COPS2: variants seen among roughly 807,000 people sequenced by gnomAD.
COPS2 encodes the protein COP9 signalosome subunit 2, also known as COP9 signalosome complex subunit 2.
Under a neutral mutation model 66.1 loss-of-function variants are expected in COPS2, and 10 were observed. The ratio of observed to expected loss-of-function variants is 0.15; its 90% CI spans 0.09 to 0.26. The LOEUF (loss-of-function observed/expected upper bound fraction) is 0.26. Ranked by LOEUF, COPS2 falls within the 10% of genes least tolerant of loss-of-function variation. The probability of loss-of-function intolerance (pLI) is 1.00; values close to 1 mark genes in which losing one functional copy is unlikely to be tolerated. For missense variants in COPS2, 215 were observed against 513.3 expected, an observed-to-expected ratio of 0.42 and a Z score of 5.62; for synonymous variants, 179 against 171.3, an observed-to-expected ratio of 1.04 and a Z score of -0.35.
intron 4 of COPS2, chr15:49,139,287 G>A: frequency 2.7e-6 from 1 of 368,626 alleles, no homozygotes; most frequent in Non-Finnish European, 4.9e-6. Context: ...CTGAAAAGTT[G>A]TTTACAGATT....
intron 9 of COPS2, among the ~76,000 whole-genome samples, chr15:49,133,477 A>T (rs759155825): frequency 6.6e-6 from 1 of 152,226 alleles, no homozygotes; most frequent in African/African-American, 2.4e-5. Flanking sequence ...AGACATCCAC[A>T]ATCAGTTTTC....
intron 9 of COPS2, among the ~76,000 whole-genome samples, chr15:49,132,988 A>AT (rs35969483): frequency 0.51 from 66,398 of 130,906 alleles, 17,499 homozygotes; most frequent in Middle Eastern, 0.62. Context: ...CATTGTAAAC[A>AT]TTTTTTTTTT....
At chr15:49,145,325 A>T (rs2084313840) in intron 1 of COPS2, among the ~76,000 whole-genome samples, 2 of 152,204 alleles carry the variant, frequency 1.3e-5, no homozygotes, top group South Asian at 4.1e-4. Flanking sequence ...TTCAGATGAA[A>T]GCTAAAATTT....
intron 1 of COPS2, among the ~76,000 whole-genome samples, chr15:49,145,633 A>T (rs1174131084): frequency 2.0e-5 from 3 of 152,178 alleles, no homozygotes; most frequent in African/African-American, 7.2e-5. Flanking sequence ...ACAGCTGTTT[A>T]TACTAATGTT....
At chr15:49,141,230 G>A (rs111747670) in intron 3 of COPS2, among the ~76,000 whole-genome samples, 2 of 152,144 alleles carry the variant, frequency 1.3e-5, no homozygotes, top group Non-Finnish European at 2.9e-5. Context: ...GGCTGGGCTT[G>A]GTGGCTCACT....
chr15:49,137,132 AAAAT>A lies in COPS2; in HGVS notation c.540+14_540+17del. 6.6e-7 allele frequency: 1 copy of A among 1,518,530 alleles called. No individual in the cohort carries two copies. Among genetic ancestry groups the A allele is most frequent in the Non-Finnish European group, 8.9e-7 (1 of 1,124,278 alleles). 94.1% of individuals were successfully genotyped at this position (1,518,530 alleles called of 1,614,324 possible). The stretch of plus-strand genomic sequence containing the variant: ...TTTATTATGAAGAAATATTCAGAAA[AAAAT>A]AAGGGAAAGCTACCTGGCACGACTG... On this transcript the variant is annotated intron_variant, in intron 6 of 12. Coordinates refer to ENST00000388901, the MANE Select transcript of COPS2 (RefSeq NM_004236.4).
intron 12 of COPS2, 90 bp from the exon 13 acceptor site, chr15:49,128,184 A>T: frequency 7.8e-7 from 1 of 1,282,964 alleles, no homozygotes; most frequent in Non-Finnish European, 1.1e-6. Flanking sequence ...GTATCAACAA[A>T]TGCCAAAAAA....
chr15:49,147,200 A>G (rs1281696782), intron 1 of COPS2, among the ~76,000 whole-genome samples: 2 of 152,192 alleles, frequency 1.3e-5, no homozygotes, highest in Non-Finnish European at 2.9e-5. Flanking sequence ...TACAATAACT[A>G]AAATAAAAAC....
intron 2 of COPS2, 50 bp downstream of exon 2, chr15:49,144,915 A>C: frequency 1.0e-6 from 1 of 996,816 alleles, no homozygotes; most frequent in Non-Finnish European, 1.5e-6. Flanking sequence ...TTGTTCTAGC[A>C]TATCATTAAA....
At chr15:49,146,195 C>T (rs891294296) in intron 1 of COPS2, among the ~76,000 whole-genome samples, 5 of 152,052 alleles carry the variant, frequency 3.3e-5, no homozygotes, top group Non-Finnish European at 4.4e-5. Context: ...TTGTAATGTG[C>T]GCCCTCTGGA....
intron 1 of COPS2, among the ~76,000 whole-genome samples, chr15:49,154,084 T>A (rs1317183786): frequency 2.0e-5 from 3 of 151,942 alleles, no homozygotes; most frequent in Non-Finnish European, 4.4e-5. Flanking sequence ...GTGATGGATA[T>A]CCTAAATACC....
rs1247825605 is a variant in COPS2 at position 49,124,941 on chromosome 15, T to TGACA, written c.*3005_*3008dup. The stretch of plus-strand genomic sequence containing the variant: ...AACTGCTTCACCCATAGATTTAGAC[T>TGACA]GACACTGACACCACAAAAGCATACA... On this transcript the variant is annotated 3_prime_UTR_variant, in exon 13 of 13. Transcript: ENST00000388901. The TGACA allele has an allele frequency of 1.3e-5, 2 of 152,184 alleles. No individual in the cohort carries two copies. Among genetic ancestry groups the TGACA allele is most frequent in the East Asian group, 3.8e-4 (2 of 5,206 alleles). 9.4% of individuals were successfully genotyped at this position (152,184 alleles called of 1,614,324 possible).
chr15:49,131,630 C>G (rs2084210051), intron 9 of COPS2, among the ~76,000 whole-genome samples: 1 of 151,966 alleles, frequency 6.6e-6, no homozygotes. Context: ...AGTGCTTTGA[C>G]AGGAATTATT....
intron 2 of COPS2, among the ~76,000 whole-genome samples, 155 bp from the exon 3 acceptor site, chr15:49,144,459 T>TA (rs975119064): frequency 2.2e-4 from 34 of 151,958 alleles, no homozygotes; most frequent in Middle Eastern, 6.8e-3. Flanking sequence ...TTTCAGTCTT[T>TA]AAAAAAAACA....
chr15:49,140,290 C>T (rs1473839364), intron 3 of COPS2, among the ~76,000 whole-genome samples: 2 of 152,066 alleles, frequency 1.3e-5, no homozygotes, highest in African/African-American at 2.4e-5. Context: ...CCACTGCACT[C>T]GGCCAAAATC....
At chr15:49,134,789 G>A (rs749691643) in intron 6 of COPS2, among the ~76,000 whole-genome samples, 16 of 152,124 alleles carry the variant, frequency 1.1e-4, no homozygotes, top group Non-Finnish European at 1.9e-4. Flanking sequence ...ATTCCAAGAC[G>A]TCCAGTGGAT....
In COPS2 at chr15:49,124,994, T is replaced by C. The variant is rs2084154044; in HGVS notation, c.*2956A>G. 1 of 152,170 alleles carries C rather than the reference T, an allele frequency of 6.6e-6. No homozygotes were observed. Among genetic ancestry groups the C allele is most frequent in the South Asian group, 2.1e-4 (1 of 4,832 alleles). 9.4% of individuals were successfully genotyped at this position (152,170 alleles called of 1,614,324 possible). A position where few individuals can be genotyped will look rare whatever the true frequency, so the allele number is the denominator to read the frequency against. ...CCTGTGTTTACTGAAGAACTGTAAC[T>C]ATTGATTAAAAAAGAAAATTTCCCA... is the stretch of plus-strand genomic sequence containing the variant. On this transcript the variant is annotated 3_prime_UTR_variant, in exon 13 of 13. Coordinates refer to ENST00000388901, the MANE Select transcript of COPS2 (RefSeq NM_004236.4).
At position 49,124,436 on chromosome 15, in the gene COPS2, T is replaced by C. The variant is rs1378074916; in HGVS notation, c.*3514A>G. 6.9e-6 allele frequency: 1 copy of C among 144,496 alleles called. No individual in the cohort carries two copies. Among genetic ancestry groups the C allele is most frequent in the Admixed American group, 6.9e-5 (1 of 14,516 alleles). The allele number at this position is 144,496 out of a possible 1,614,324, so 9.0% of individuals were successfully genotyped here. A position where few individuals can be genotyped will look rare whatever the true frequency, so the allele number is the denominator to read the frequency against. ...CAAACAAATATAAATAGGATGCTGATTTGGGGGAAAAAAAAACCTAAAACA... is the reference window on the plus strand; with the variant it reads ...CAAACAAATATAAATAGGATGCTGACTTGGGGGAAAAAAAAACCTAAAACA... On this transcript the variant is annotated 3_prime_UTR_variant, in exon 13 of 13. Coordinates refer to ENST00000388901, the MANE Select transcript of COPS2 (RefSeq NM_004236.4).
At chr15:49,148,294 G>A (rs756544460) in intron 1 of COPS2, among the ~76,000 whole-genome samples, 2 of 151,772 alleles carry the variant, frequency 1.3e-5, no homozygotes, top group Non-Finnish European at 2.9e-5. Flanking sequence ...AAACAAAACC[G>A]TAATATAATA....
Sources: gnomAD v4.1 joint callset for allele counts (sites outside exome capture counted in the v4.1 genomes callset) on GRCh38, gnomAD v4.1.1 for gene constraint, MANE v1.5 for transcripts, NCBI Gene and HGNC (gene_info 2026-07-23, HGNC 2026-07-21) for gene names.